The following CHADL variants were observed in gnomAD, a reference collection of about 807,000 sequenced individuals.
CHADL encodes chondroadherin-like protein.
In CHADL, 48 loss-of-function variants were observed where a neutral mutation model predicts 52.1. The observed-to-expected ratio is 0.92, with a 90% CI of 0.73 to 1.17. The LOEUF is 1.17. Among genes scored for constraint, CHADL ranks in the 50% most tolerant of loss-of-function variants. The pLI is 0.00. For missense variants in CHADL, 977 were observed against 1,035.1 expected (o/e 0.94, Z 0.77); for synonymous variants, 498 against 511.2 (o/e 0.97, Z 0.35).
In CHADL at chr22:41,237,389, G is replaced by A. The variant is rs976485671; in HGVS notation, c.1683C>T (p.Ser561=). ...CCCGAGCTGGGCCCAGCGCCCCAAG[G>A]GACACTTCGGTGATGCGGTTTCCAC... ...YLSGNRITEV[S]LGALGPAREL... Residue 561 remains serine, a synonymous_variant, in exon 3 of 6, where the codon TCC becomes TCT. Transcript: ENST00000216241. 2 of 1,550,652 alleles carry A rather than the reference G, an allele frequency of 1.3e-6. No homozygotes were observed. Among genetic ancestry groups the A allele is most frequent in the Non-Finnish European group, 1.7e-6 (2 of 1,146,964 alleles).
chr22:41,230,095 G>T (rs780457691), intron 5 of CHADL: 1 of 171,804 alleles, frequency 5.8e-6, no homozygotes, highest in African/African-American at 9.8e-5. Flanking sequence ...ACCCCTCCCA[G>T]AGTTATTTAC....
rs1318490659 is a variant in CHADL, at chr22:41,237,893, G to C, written c.1179C>G (p.Val393=). 4 of 1,362,230 alleles carry C rather than the reference G, an allele frequency of 2.9e-6. No individual in the cohort carries two copies. In the African/African-American group the frequency reaches 6.1e-5, roughly 21 times the overall value. 84.4% of individuals were successfully genotyped at this position (1,362,230 alleles called of 1,614,324 possible). A position where few individuals can be genotyped will look rare whatever the true frequency, so the allele number is the denominator to read the frequency against. ...PPRGPGEERA[V]APCPRACVCV... ...ACACGCAGGCGCGAGGGCAAGGCGC[G>C]ACTGCCCGCTCCTCCCCGGGGCCGC... The change falls in exon 3 of 6, where the codon GTC becomes GTG. Residue 393 remains valine, a synonymous_variant. Transcript: ENST00000216241.
intron 5 of CHADL, chr22:41,231,258 C>A (rs904854725): frequency 4.6e-5 from 7 of 152,214 alleles, no homozygotes; most frequent in African/African-American, 1.7e-4. Flanking sequence ...AAATTAAACC[C>A]CCTGCTTGCT....
At chr22:41,239,755 A>G in intron 1 of CHADL, 135 bp from the exon 2 acceptor site, 1 of 770,356 alleles carries the variant, frequency 1.3e-6, no homozygotes, top group Non-Finnish European at 2.0e-6. Flanking sequence ...GGAAAGTGCC[A>G]ATCACCCTGA....
intron 3 of CHADL, 82 bp downstream of exon 3, chr22:41,237,094 C>G (rs2032757065): frequency 1.4e-6 from 2 of 1,388,768 alleles, no homozygotes; most frequent in South Asian, 1.4e-5. Flanking sequence ...AAGGGGCTGG[C>G]AAATGCTTGT....
Position 41,236,612 on chromosome 22 carries a change from G to C in CHADL, c.1935C>G (p.Leu645=), listed in dbSNP as rs368260881. ...GGTTCTTCTGCAGGTGCAGGCTCTGGAGCCCGGGCCCCAGGCCTGAAAAGG... is the reference window on the plus strand; with the variant it reads ...GGTTCTTCTGCAGGTGCAGGCTCTGCAGCCCGGGCCCCAGGCCTGAAAAGG... ...PGAFSGLGPG[L]QSLHLQKNQL... is the part of the protein sequence containing the mutation. The change falls in exon 4 of 6, where the codon CTC becomes CTG. Residue 645 remains leucine, a synonymous_variant. Transcript: ENST00000216241. The C allele has an allele frequency of 7.0e-5, 108 of 1,550,420 alleles. No individual in the cohort carries two copies. The highest frequency in any genetic ancestry group is 8.5e-5 in the Non-Finnish European group (97 of 1,146,948).
At chr22:41,236,735 A>G in intron 3 of CHADL, 85 bp from the exon 4 acceptor site, 1 of 1,325,350 alleles carries the variant, frequency 7.5e-7, no homozygotes, top group Non-Finnish European at 1.0e-6. Context: ...ATCTTCCCTC[A>G]GCAGAAGAGA....
rs1457566713 is a variant in CHADL at position 41,237,734 on chromosome 22, G to A, written c.1338C>T (p.Pro446=). The change falls in exon 3 of 6, where the codon CCC becomes CCT. Residue 446 remains proline (P), a synonymous_variant. Coordinates refer to ENST00000216241, the MANE Select transcript of CHADL (RefSeq NM_138481.2). Reference sequence around the variant, plus strand: ...GCAGCGACACCAGGTGGCCCAGGCCGGGGAAGGCCGCTCGGGGCACCGAGG... The same window carrying A: ...GCAGCGACACCAGGTGGCCCAGGCCAGGGAAGGCCGCTCGGGGCACCGAGG... ...HFPSVPRAAF[P]GLGHLVSLHL... 3 of 1,540,394 alleles carry A rather than the reference G, an allele frequency of 1.9e-6. No individual in the cohort carries two copies. The highest frequency in any genetic ancestry group is 1.2e-5 in the South Asian group (1 of 83,294).
chr22:41,238,960 A>G lies in CHADL; in HGVS notation c.187-75T>C. On this transcript the variant is annotated intron_variant, in intron 2 of 5. Transcript: ENST00000216241. This position sits in a 1 kb window ranked among gnomAD's most constrained non-coding sequence, Gnocchi z 4.9. ...TTTGCAAGTGCTGCTTCTTCCCCGG[A>G]ACACTCTTTTCTCCTGTCACCTTTC... The G allele has an allele frequency of 6.9e-7, 1 of 1,451,370 alleles. No individual in the cohort carries two copies. The highest frequency in any genetic ancestry group is 9.1e-7 in the Non-Finnish European group (1 of 1,097,624). The allele number at this position is 1,451,370 out of a possible 1,614,324, so 89.9% of individuals were successfully genotyped here.
chr22:41,239,880 A>G (rs191124027), intron 1 of CHADL, among the ~76,000 whole-genome samples: 154 of 152,306 alleles, frequency 1.0e-3, no homozygotes, highest in Non-Finnish European at 1.9e-3. Flanking sequence ...CCTCTGCCCA[A>G]TGGCTCAGTG....
intron 1 of CHADL, among the ~76,000 whole-genome samples, chr22:41,240,666 A>T: frequency 6.6e-6 from 1 of 152,170 alleles, no homozygotes; most frequent in East Asian, 1.9e-4. Context: ...GGGCTCTCAG[A>T]CAAGCCCCAG....
In CHADL at chr22:41,237,809, G is replaced by A. The variant is rs763695997; in HGVS notation, c.1263C>T (p.Arg421=). ...GGAGCTGGGTGTCGCTGGGGAAGCC[G>A]CGGGGCACCGCCTGCAGGCCGCAGC... ...CEGCGLQAVP[R]GFPSDTQLLD... Residue 421 remains arginine, a synonymous_variant, in exon 3 of 6, where the codon CGC becomes CGT. Coordinates refer to ENST00000216241, the MANE Select transcript of CHADL (RefSeq NM_138481.2). 10 of 1,491,094 alleles carry A rather than the reference G, an allele frequency of 6.7e-6. No homozygotes were observed. The highest frequency in any genetic ancestry group is 8.0e-6 in the Non-Finnish European group (9 of 1,122,110). The allele number at this position is 1,491,094 out of a possible 1,614,324, so 92.4% of individuals were successfully genotyped here. A position where few individuals can be genotyped will look rare whatever the true frequency, so the allele number is the denominator to read the frequency against.
intron 1 of CHADL, 85 bp from the exon 2 acceptor site, chr22:41,239,705 C>A: frequency 7.8e-7 from 1 of 1,289,272 alleles, no homozygotes; most frequent in Non-Finnish European, 1.0e-6. Flanking sequence ...GGTGCAGCTC[C>A]TGCCCCAAAA....
intron 1 of CHADL, among the ~76,000 whole-genome samples, chr22:41,240,034 C>A (rs1278846619): frequency 4.6e-5 from 7 of 152,098 alleles, no homozygotes; most frequent in Admixed American, 4.6e-4. Flanking sequence ...ATAATGGTAC[C>A]CCCCAGAAAG....
At chr22:41,232,195 G>A (rs1029028926) in intron 5 of CHADL, among the ~76,000 whole-genome samples, 2 of 152,028 alleles carry the variant, frequency 1.3e-5, no homozygotes, top group African/African-American at 4.8e-5. Flanking sequence ...AGCCGGGCGT[G>A]GTGGCAGTCA....
intron 5 of CHADL, among the ~76,000 whole-genome samples, chr22:41,232,358 G>C (rs1475886485): frequency 6.6e-6 from 1 of 151,606 alleles, no homozygotes; most frequent in African/African-American, 2.4e-5. Context: ...ATTTACACCT[G>C]TAAAGGATGG....
intron 5 of CHADL, among the ~76,000 whole-genome samples, chr22:41,233,475 G>A (rs542899855): frequency 2.0e-5 from 3 of 152,188 alleles, no homozygotes; most frequent in East Asian, 3.9e-4. Context: ...AAAAAAAAAG[G>A]GGGGGTGGAA....
chr22:41,229,866 C>A, intron 5 of CHADL, 136 bp from the exon 6 acceptor site: 2 of 833,368 alleles, frequency 2.4e-6, no homozygotes, highest in South Asian at 1.5e-5. Flanking sequence ...AGCCCGGCCC[C>A]GGCCCCTCCT....
chr22:41,240,725 C>T, intron 1 of CHADL, 149 bp downstream of exon 1: 1 of 896,448 alleles, frequency 1.1e-6, no homozygotes. Context: ...TCAGAGCCCA[C>T]CTTGGGAGAC....
Sources: gnomAD v4.1 joint callset for allele counts (sites outside exome capture counted in the v4.1 genomes callset) on GRCh38, gnomAD v4.1.1 for gene constraint, Gnocchi (gnomAD v3.1) non-coding constraint, MANE v1.5 for transcripts, NCBI Gene and HGNC (gene_info 2026-07-23, HGNC 2026-07-21) for gene names.